The following ARID1A variants were observed in gnomAD, a reference collection of about 807,000 sequenced individuals.
The protein encoded by ARID1A is AT-rich interactive domain-containing protein 1A.
ARID1A carries 20 observed loss-of-function variants against 212.6 expected under a neutral mutation model. The ratio of observed to expected loss-of-function variants is 0.09; its 90% CI spans 0.07 to 0.14. The LOEUF is 0.14. ARID1A is among the 10% of genes least tolerant of loss of function. The probability of loss-of-function intolerance (pLI) is 1.00; values close to 1 mark genes in which losing one functional copy is unlikely to be tolerated. For missense variants in ARID1A, 2,587 were observed against 3,059.0 expected, an observed-to-expected ratio of 0.85 and a Z score of 3.64; for synonymous variants, 1,376 against 1,222.1, an observed-to-expected ratio of 1.13 and a Z score of -2.63.
At position 26,696,830 on chromosome 1, in the gene ARID1A, T is replaced by C; in HGVS notation, c.427T>C (p.Leu143=). The C allele has an allele frequency of 7.5e-7, 1 of 1,338,148 alleles. No individual in the cohort carries two copies. The highest frequency in any genetic ancestry group is 3.1e-5 in the East Asian group (1 of 32,008). The allele number at this position is 1,338,148 out of a possible 1,614,324, so 82.9% of individuals were successfully genotyped here. A position where few individuals can be genotyped will look rare whatever the true frequency, so the allele number is the denominator to read the frequency against. Residue 143 remains leucine, a synonymous_variant, in exon 1 of 20, where the codon TTG becomes CTG. Transcript: ENST00000324856. ...GAPPHSAAAA[L]PPPAYGFGQP... Reference sequence around the variant, plus strand: ...GCCTCCTCACTCAGCCGCGGCCGCCTTGCCGCCCCCAGCCTACGGCTTCGG... The same window carrying C: ...GCCTCCTCACTCAGCCGCGGCCGCCCTGCCGCCCCCAGCCTACGGCTTCGG...
intron 4 of ARID1A, among the ~76,000 whole-genome samples, chr1:26,746,764 C>T (rs921937831): frequency 1.3e-5 from 2 of 152,218 alleles, no homozygotes; most frequent in East Asian, 1.9e-4. Flanking sequence ...GGGCTGGGTG[C>T]GGTGGCTCAC....
intron 8 of ARID1A, among the ~76,000 whole-genome samples, chr1:26,763,960 T>G (rs2124072848): frequency 6.6e-6 from 1 of 152,100 alleles, no homozygotes; most frequent in South Asian, 2.1e-4. Flanking sequence ...AGCTAATTTT[T>G]TTTATTTTTT....
Position 26,696,765 on chromosome 1 carries a change from C to T in ARID1A, c.362C>T (p.Pro121Leu), listed in dbSNP as rs1557569655. The T allele has an allele frequency of 1.5e-6, 2 of 1,347,452 alleles. No individual in the cohort carries two copies. The highest frequency in any genetic ancestry group is 1.9e-6 in the Non-Finnish European group (2 of 1,054,100). The allele number at this position is 1,347,452 out of a possible 1,614,324, so 83.5% of individuals were successfully genotyped here. A position where few individuals can be genotyped will look rare whatever the true frequency, so the allele number is the denominator to read the frequency against. The change falls in exon 1 of 20, where the codon CCC becomes CTC. Residue 121 changes from proline (P) to leucine (L), a missense_variant. Pro to Leu is a moderately conservative substitution (Grantham distance 98). Coordinates refer to ENST00000324856, the MANE Select transcript of ARID1A (RefSeq NM_006015.6). ...CTGAACAATAACCTCACGGAGCCGC[C>T]CGGCGGCGGCGGTGGCGGCAGCAGC... ...PALNNNLTEPPGGGGGGSSDG... is the reference protein window; with the variant it reads ...PALNNNLTEPLGGGGGGSSDG...
rs2124105128 is a variant in ARID1A, at chr1:26,772,642, A to G, written c.3539+10A>G. On this transcript the variant is annotated intron_variant, in intron 13 of 19. Transcript: ENST00000324856. Reference sequence around the variant, plus strand: ...CATTGCCAGGCATGAGGTAAGGCCAAGAGCAGGGGCAGATGGTTGGGAGGA... The same window carrying G: ...CATTGCCAGGCATGAGGTAAGGCCAGGAGCAGGGGCAGATGGTTGGGAGGA... The G allele has an allele frequency of 1.2e-6, 2 of 1,614,220 alleles. No homozygotes were observed. Among genetic ancestry groups the G allele is most frequent in the Non-Finnish European group, 1.7e-6 (2 of 1,180,032 alleles).
At chr1:26,709,196 A>T (rs2080425009) in intron 1 of ARID1A, among the ~76,000 whole-genome samples, 1 of 152,200 alleles carries the variant, frequency 6.6e-6, no homozygotes, top group African/African-American at 2.4e-5. Flanking sequence ...TATGGTAAAT[A>T]TTAGATATGT....
chr1:26,775,253 C>T (rs769594931), intron 18 of ARID1A, 33 bp downstream of exon 18: 19 of 1,538,846 alleles, frequency 1.2e-5, no homozygotes, highest in Non-Finnish European at 1.6e-5. Context: ...GTTGCCTAAT[C>T]TGCCCCTTTC....
In ARID1A at chr1:26,779,836, C is replaced by T. The variant is rs780084398; in HGVS notation, c.5938C>T (p.Arg1980Cys). The change falls in exon 20 of 20, where the codon CGC becomes TGC. Residue 1980 changes from arginine (R) to cysteine (C), a missense_variant. Arg to Cys is a radical substitution (Grantham distance 180). Transcript: ENST00000324856. ...GGACTGGCAGGATTCTCTTGCCAAG[C>T]GCTGCGTCTGTGTGTCCAATACCAT... ...LLDWQDSLAK[R>C]CVCVSNTIRS... The T allele has an allele frequency of 4.3e-6, 7 of 1,614,132 alleles. No homozygotes were observed. The highest frequency in any genetic ancestry group is 1.6e-4 in the Middle Eastern group (1 of 6,062).
chr1:26,731,509 C>A lies in ARID1A; in HGVS notation c.1708C>A (p.Pro570Thr), dbSNP rs752518436. 3 of 1,614,004 alleles carry A rather than the reference C, an allele frequency of 1.9e-6. No homozygotes were observed. Among genetic ancestry groups the A allele is most frequent in the Non-Finnish European group, 2.5e-6 (3 of 1,180,004 alleles). The change falls in exon 3 of 20, where the codon CCC becomes ACC. Residue 570 changes from proline (P) to threonine (T), a missense_variant. Transcript: ENST00000324856. The part of the protein sequence containing the change: ...YQQQQPQQPA[P>T]STLSQQAAYP... ...GCAGCAGCAACCTCAGCAGCCAGCACCCTCGACGCTCTCCCAGCAGGCTGC... is the reference window on the plus strand; with the variant it reads ...GCAGCAGCAACCTCAGCAGCCAGCAACCTCGACGCTCTCCCAGCAGGCTGC...
chr1:26,780,593 G>A lies in ARID1A; in HGVS notation c.6695G>A (p.Arg2232Gln), dbSNP rs142878055. The stretch of plus-strand genomic sequence containing the variant: ...GAGCCAACTAGTGTGGACATGATGC[G>A]GCGGGCTGCCCGCGCGCTGCTTGCC... ...PFEPTSVDMM[R>Q]RAARALLALA... is the part of the protein sequence containing the mutation. The change falls in exon 20 of 20, where the codon CGG becomes CAG. Residue 2232 changes from arginine (R) to glutamine (Q), a missense_variant. Physicochemically the swap from Arg to Gln is conservative, Grantham distance 43 (BLOSUM62 1). Coordinates refer to ENST00000324856, the MANE Select transcript of ARID1A (RefSeq NM_006015.6). The surrounding 1 kb of genome is among the most constrained non-coding windows in gnomAD (Gnocchi z 7.2). 86 of 1,613,892 alleles carry A rather than the reference G, an allele frequency of 5.3e-5. No individual in the cohort carries two copies. The highest frequency in any genetic ancestry group is 6.9e-5 in the Non-Finnish European group (81 of 1,179,968).
rs1177707174 is a variant in ARID1A, at chr1:26,729,844, G to A, written c.1331G>A (p.Gly444Asp). ...MQGRAQSAMGGLSYTQQIPPY... is the reference protein window; with the variant it reads ...MQGRAQSAMGDLSYTQQIPPY... ...GGCCGGGCGCAGAGTGCCATGGGCG[G>A]CCTCTCTTATACACAGCAGGTAGAT... The change falls in exon 2 of 20, where the codon GGC (glycine) becomes GAC (aspartate). Residue 444 changes from glycine to aspartate, a missense_variant. Around this residue, in one of 11 missense-constraint regions of ARID1A, gnomAD observed 674 missense variants for 813.4 expected, o/e 0.83. Coordinates refer to ENST00000324856, the MANE Select transcript of ARID1A (RefSeq NM_006015.6). 6.2e-7 allele frequency: 1 copy of A among 1,614,124 alleles called. No individual in the cohort carries two copies. The highest frequency in any genetic ancestry group is 8.5e-7 in the Non-Finnish European group (1 of 1,180,030).
At chr1:26,711,209 A>G (rs920406454) in intron 1 of ARID1A, among the ~76,000 whole-genome samples, 3 of 152,020 alleles carry the variant, frequency 2.0e-5, no homozygotes, top group African/African-American at 7.2e-5. Context: ...CCTGGGTTCA[A>G]GCAATTTTCC....
At chr1:26,755,807 G>T (rs920954991) in intron 4 of ARID1A, among the ~76,000 whole-genome samples, 1 of 151,302 alleles carries the variant, frequency 6.6e-6, no homozygotes, top group Non-Finnish European at 1.5e-5. Flanking sequence ...GCAGTGGTGC[G>T]ATCTCGGCTC....
chr1:26,766,433 TGA>T, intron 9 of ARID1A, 22 bp from the exon 10 acceptor site: 1 of 1,613,900 alleles, frequency 6.2e-7, no homozygotes, highest in African/African-American at 1.3e-5. Context: ...TTACTGGACT[TGA>T]GAATTTTTTT....
chr1:26,776,821 G>A (rs1426066246), intron 19 of ARID1A, among the ~76,000 whole-genome samples: 1 of 152,190 alleles, frequency 6.6e-6, no homozygotes. Flanking sequence ...GAGGTAGGAG[G>A]TATGGCCATT....
chr1:26,701,423 A>G (rs1431060880), intron 1 of ARID1A, among the ~76,000 whole-genome samples: 1 of 152,112 alleles, frequency 6.6e-6, no homozygotes, highest in Admixed American at 6.6e-5. Context: ...ACGCACACTT[A>G]CGTTGTTATT....
At chr1:26,752,580 A>G (rs1455005130) in intron 4 of ARID1A, among the ~76,000 whole-genome samples, 1 of 152,166 alleles carries the variant, frequency 6.6e-6, no homozygotes, top group East Asian at 1.9e-4. Flanking sequence ...ATTTTGTCTC[A>G]GTTTTTCTTC....
At chr1:26,702,017 A>G (rs1336735249) in intron 1 of ARID1A, among the ~76,000 whole-genome samples, 2 of 152,220 alleles carry the variant, frequency 1.3e-5, no homozygotes, top group Admixed American at 6.5e-5. Flanking sequence ...ATGGATATTC[A>G]TAAGTTCAGT....
Position 26,730,456 on chromosome 1 carries a change from A to T in ARID1A, c.1350+593A>T, listed in dbSNP as rs564591880. On this transcript the variant is annotated intron_variant, in intron 2 of 19. Coordinates refer to ENST00000324856, the MANE Select transcript of ARID1A (RefSeq NM_006015.6). ...GTTTTCTATCATTTATCTTTGAGTG[A>T]TACTCATACTGAAAATAGGGAGAGA... is the stretch of plus-strand genomic sequence containing the variant. Among the ~76,000 whole-genome samples, 100 of 152,336 alleles carry T rather than the reference A, an allele frequency of 6.6e-4. 1 individual carries two copies. Among genetic ancestry groups the T allele is most frequent in the Non-Finnish European group, 4.6e-4 (31 of 68,032 alleles).
intron 4 of ARID1A, among the ~76,000 whole-genome samples, chr1:26,758,890 A>G (rs955895906): frequency 6.6e-6 from 1 of 152,242 alleles, no homozygotes; most frequent in African/African-American, 2.4e-5. Flanking sequence ...AAAGCTGGAC[A>G]CAGGCACAAA....
Sources: gnomAD v4.1 joint callset for allele counts (sites outside exome capture counted in the v4.1 genomes callset) on GRCh38, gnomAD v4.1.1 for gene constraint, gnomAD v4.1.1 regional missense constraint, Gnocchi (gnomAD v3.1) non-coding constraint, MANE v1.5 for transcripts, NCBI Gene and HGNC (gene_info 2026-07-23, HGNC 2026-07-21) for gene names.